RNF141: variants seen among roughly 807,000 people sequenced by gnomAD.
RNF141 encodes ring finger protein 141, also known as C3HC4-like zinc finger protein.
RNF141 carries 18 observed loss-of-function variants against 27.4 expected under a neutral mutation model. That is an observed-to-expected ratio of 0.66 (90% CI 0.45 to 0.97). RNF141 has a LOEUF of 0.97. Among genes scored for constraint, RNF141 ranks in the 50% least tolerant of loss-of-function variants. RNF141 has a pLI of 0.00. For synonymous variants in RNF141, 97 were observed against 96.6 expected (o/e 1.00, Z -0.02); for missense variants, 230 against 279.4 (o/e 0.82, Z 1.26).
chr11:10,535,963 T>G (rs1403185305), intron 1 of RNF141, among the ~76,000 whole-genome samples: 1 of 152,194 alleles, frequency 6.6e-6, no homozygotes, highest in Non-Finnish European at 1.5e-5. Context: ...AAGTAGCACG[T>G]GCCTGGTGCT....
At chr11:10,517,291 T>C (rs577503771) in intron 5 of RNF141, 12 of 151,620 alleles carry the variant, frequency 7.9e-5, no homozygotes, top group Admixed American at 5.2e-4. Context: ...ATGGTGAATA[T>C]GAAAAGAGAT....
chr11:10,523,364 C>T (rs1849904886), intron 4 of RNF141, among the ~76,000 whole-genome samples: 1 of 152,240 alleles, frequency 6.6e-6, no homozygotes, highest in Admixed American at 6.5e-5. Flanking sequence ...AATCATGACA[C>T]TTACTTAGCT....
In RNF141 at chr11:10,512,644, G is replaced by C. The variant is rs1481367303; in HGVS notation, c.*2272C>G. ...TCTAAAAGGACAATTTAAAATCTTA[G>C]AGCTGGAAAAGATTTCAGTGGATCA... On this transcript the variant is annotated 3_prime_UTR_variant, in exon 6 of 6. Transcript: ENST00000265981. 6.6e-6 allele frequency: 1 copy of C among 152,166 alleles called. No individual in the cohort carries two copies. The highest frequency in any genetic ancestry group is 1.9e-4 in the East Asian group (1 of 5,198). 9.4% of individuals were successfully genotyped at this position (152,166 alleles called of 1,614,324 possible). A position where few individuals can be genotyped will look rare whatever the true frequency, so the allele number is the denominator to read the frequency against.
chr11:10,533,680 G>T (rs1026740226), intron 2 of RNF141, among the ~76,000 whole-genome samples: 3 of 151,784 alleles, frequency 2.0e-5, no homozygotes, highest in Non-Finnish European at 2.9e-5. Context: ...ATTCCATTTT[G>T]TTATGCACCC....
chr11:10,520,116 T>C (rs1183440048), intron 4 of RNF141, among the ~76,000 whole-genome samples: 1 of 152,212 alleles, frequency 6.6e-6, no homozygotes, highest in African/African-American at 2.4e-5. Flanking sequence ...TGTATAGCAC[T>C]TGTACAGTAG....
At chr11:10,523,609 G>A (rs1415320036) in intron 4 of RNF141, among the ~76,000 whole-genome samples, 1 of 152,056 alleles carries the variant, frequency 6.6e-6, no homozygotes, top group Non-Finnish European at 1.5e-5. Context: ...GTGTATAAGG[G>A]TATTATTATA....
chr11:10,530,357 C>T (rs1849974476), intron 3 of RNF141, among the ~76,000 whole-genome samples: 1 of 152,114 alleles, frequency 6.6e-6, no homozygotes, highest in Non-Finnish European at 1.5e-5. Context: ...TAGCATTCCA[C>T]AGCCAGCTAA....
At chr11:10,520,881 G>A (rs1849882727) in intron 4 of RNF141, among the ~76,000 whole-genome samples, 1 of 152,178 alleles carries the variant, frequency 6.6e-6, no homozygotes, top group Non-Finnish European at 1.5e-5. Flanking sequence ...AACATTGTTA[G>A]GTGATACATG....
chr11:10,534,205 T>G lies in RNF141; in HGVS notation c.-47A>C, dbSNP rs1176047519. 6.3e-7 allele frequency: 1 copy of G among 1,593,380 alleles called. No homozygotes were observed. On this transcript the variant is annotated splice_region_variant and 5_prime_UTR_variant, in exon 2 of 6. Transcript: ENST00000265981. ...ATCCAGAGTGTTGCTTCACATAGTT[T>G]CTGTCAAATATACAGAAAAGTTACT...
At chr11:10,525,394 A>G in intron 3 of RNF141, 21 bp from the exon 4 acceptor site, 1 of 1,537,514 alleles carries the variant, frequency 6.5e-7, no homozygotes, top group South Asian at 1.3e-5. Flanking sequence ...AAAGAACATG[A>G]AAAAGAAAAG....
rs139138527 is a variant in RNF141, at chr11:10,523,128, A to C, written c.434+2064T>G. Among the ~76,000 whole-genome samples the C allele has an allele frequency of 1.3e-4, 20 of 152,356 alleles. No homozygotes were observed. The East Asian group carries it at 3.3e-3, about 25-fold the overall frequency. ...TTGTACTTGCAAGTCGGACTTGGCAAAATGTGGGTAAGCAGAGTCTTGCTA... is the reference window on the plus strand; with the variant it reads ...TTGTACTTGCAAGTCGGACTTGGCACAATGTGGGTAAGCAGAGTCTTGCTA... On this transcript the variant is annotated intron_variant, in intron 4 of 5. Transcript: ENST00000265981.
chr11:10,515,605 A>G (rs767463266), intron 5 of RNF141: 1 of 152,388 alleles, frequency 6.6e-6, no homozygotes, highest in East Asian at 1.9e-4. Context: ...ATTTGGTCAA[A>G]GTGTCAAGTA....
intron 2 of RNF141, among the ~76,000 whole-genome samples, chr11:10,531,473 G>C (rs1213929333): frequency 1.3e-5 from 2 of 151,668 alleles, no homozygotes; most frequent in Admixed American, 1.3e-4. Flanking sequence ...TCTTGGTTCA[G>C]TCCTTGTTCA....
At chr11:10,536,988 AAG>A (rs777928402) in intron 1 of RNF141, among the ~76,000 whole-genome samples, 3 of 152,248 alleles carry the variant, frequency 2.0e-5, no homozygotes, top group South Asian at 4.1e-4. Context: ...TAGAAAAAAA[AAG>A]AGGTTTATTC....
chr11:10,536,477 A>G (rs1850038308), intron 1 of RNF141, among the ~76,000 whole-genome samples: 1 of 152,198 alleles, frequency 6.6e-6, no homozygotes, highest in South Asian at 2.1e-4. Context: ...TTATCTAGTG[A>G]ATAATAGGAT....
intron 1 of RNF141, chr11:10,540,810 T>A (rs1049908465): frequency 6.6e-6 from 1 of 152,204 alleles, no homozygotes; most frequent in Non-Finnish European, 1.5e-5. Flanking sequence ...GGCGGCAATA[T>A]TCAAACAACC....
At chr11:10,529,704 A>G (rs1413411157) in intron 3 of RNF141, among the ~76,000 whole-genome samples, 1 of 152,222 alleles carries the variant, frequency 6.6e-6, no homozygotes, top group Non-Finnish European at 1.5e-5. Flanking sequence ...AGAAGTATAG[A>G]GATTAATACA....
chr11:10,518,949 C>T (rs2133966023), intron 5 of RNF141, 85 bp downstream of exon 5: 5 of 895,942 alleles, frequency 5.6e-6, no homozygotes, highest in East Asian at 2.5e-5. Context: ...TACTTAACTA[C>T]AGTATTTTTG....
chr11:10,516,831 C>G (rs1371741617), intron 5 of RNF141: 3 of 152,014 alleles, frequency 2.0e-5, no homozygotes, highest in Non-Finnish European at 4.4e-5. Context: ...CTGGTCCTGC[C>G]TAACAAATCA....
Sources: gnomAD v4.1 joint callset for allele counts (sites outside exome capture counted in the v4.1 genomes callset) on GRCh38, gnomAD v4.1.1 for gene constraint, MANE v1.5 for transcripts, NCBI Gene and HGNC (gene_info 2026-07-23, HGNC 2026-07-21) for gene names.